The following ANKRD40 variants were observed in gnomAD, a reference collection of about 807,000 sequenced individuals.
ANKRD40 encodes ankyrin repeat domain 40, also known as ankyrin repeat domain-containing protein 40.
In ANKRD40, 24 loss-of-function variants were observed where a neutral mutation model predicts 35.5. That is an observed-to-expected ratio of 0.68 (90% CI 0.49 to 0.95). ANKRD40 has a LOEUF of 0.95. ANKRD40 is among the 40% of genes least tolerant of loss of function. The pLI is 0.00. For synonymous variants in ANKRD40, 147 were observed against 173.5 expected, an observed-to-expected ratio of 0.85 and a Z score of 1.20; for missense variants, 361 against 436.0, an observed-to-expected ratio of 0.83 and a Z score of 1.53.
intron 1 of ANKRD40, among the ~76,000 whole-genome samples, chr17:50,704,532 A>T (rs1305607507): frequency 6.6e-6 from 1 of 151,440 alleles, no homozygotes; most frequent in African/African-American, 2.4e-5. Context: ...AAAAAAAAAA[A>T]AAAAAACCTA....
intron 2 of ANKRD40, 30 bp downstream of exon 2, chr17:50,700,538 A>G (rs1404879640): frequency 8.7e-6 from 14 of 1,611,548 alleles, no homozygotes; most frequent in Non-Finnish European, 1.2e-5. Context: ...AGTCTGAGGA[A>G]ATCAAAAGTT....
At position 50,701,659 on chromosome 17, in the gene ANKRD40, C is replaced by T. The variant is rs565047424; in HGVS notation, c.135-943G>A. ...TATATTATGGAAGGAAAATACTTTTCGCCTGTGTTTTGAAAGGTCTTCTTT... is the reference window on the plus strand; with the variant it reads ...TATATTATGGAAGGAAAATACTTTTTGCCTGTGTTTTGAAAGGTCTTCTTT... On this transcript the variant is annotated intron_variant, in intron 1 of 4. Coordinates refer to ENST00000285243, the MANE Select transcript of ANKRD40 (RefSeq NM_052855.4). 3.9e-5 allele frequency among the ~76,000 whole-genome samples: 6 copies of T among 152,324 alleles called. No individual in the cohort carries two copies. In the South Asian group the frequency reaches 6.2e-4, roughly 16 times the overall value.
intron 2 of ANKRD40, 83 bp downstream of exon 2, chr17:50,700,485 C>T: frequency 7.4e-7 from 1 of 1,359,726 alleles, no homozygotes; most frequent in Non-Finnish European, 1.0e-6. Flanking sequence ...AGTTGTTTGA[C>T]CAGCATTAAG....
chr17:50,700,034 G>T, intron 2 of ANKRD40, 141 bp from the exon 3 acceptor site: 2 of 758,294 alleles, frequency 2.6e-6, no homozygotes, highest in Non-Finnish European at 3.7e-6. Context: ...TTAGGTTTAT[G>T]ATTACCATTT....
At chr17:50,706,062 C>G (rs1403990096) in intron 1 of ANKRD40, among the ~76,000 whole-genome samples, 1 of 151,884 alleles carries the variant, frequency 6.6e-6, no homozygotes, top group Non-Finnish European at 1.5e-5. Context: ...TTGAGCCTCT[C>G]TCCATTGTCC....
chr17:50,701,059 AT>A (rs1284981608), intron 1 of ANKRD40: 1 of 166,612 alleles, frequency 6.0e-6, no homozygotes, highest in African/African-American at 2.6e-5. Context: ...TCTCTGAAAC[AT>A]ATTTTTCTAT....
chr17:50,697,419 T>C (rs945621099), intron 3 of ANKRD40, among the ~76,000 whole-genome samples: 1 of 152,228 alleles, frequency 6.6e-6, no homozygotes, highest in South Asian at 2.1e-4. Context: ...CTTCTGCCAT[T>C]GGAGCTAAGG....
rs1230275739 is a variant in ANKRD40 at position 50,699,858 on chromosome 17, T to TGTC, written c.316_318dup (p.Asp106dup). 2 of 1,516,392 alleles carry TGTC rather than the reference T, an allele frequency of 1.3e-6. No individual in the cohort carries two copies. Among genetic ancestry groups the TGTC allele is most frequent in the East Asian group, 2.3e-5 (1 of 43,958 alleles). The allele number at this position is 1,516,392 out of a possible 1,614,324, so 93.9% of individuals were successfully genotyped here. On this transcript the variant is annotated inframe_insertion, in exon 3 of 5. Transcript: ENST00000285243. ...GACTCCTTCTTCAGCTGGGGGAGGT[T>TGTC]GTCATCATCATCATCATCATCATCT... is the stretch of plus-strand genomic sequence containing the variant.
Position 50,707,449 on chromosome 17 carries a change from A to C in ANKRD40, c.134+72T>G, listed in dbSNP as rs1968353841. On this transcript the variant is annotated intron_variant, in intron 1 of 4. Transcript: ENST00000285243. The surrounding 1 kb of genome is among the most constrained non-coding windows in gnomAD (Gnocchi z 4.8). Reference sequence around the variant, plus strand: ...TAGCCAGGCGTCCCGCGCTGGGCCCAGGTCGCGACTGACTGCCCCACGCCT... The same window carrying C: ...TAGCCAGGCGTCCCGCGCTGGGCCCCGGTCGCGACTGACTGCCCCACGCCT... 7 of 1,547,668 alleles carry C rather than the reference A, an allele frequency of 4.5e-6. No homozygotes were observed.
intron 1 of ANKRD40, among the ~76,000 whole-genome samples, chr17:50,706,119 A>G (rs1968334212): frequency 1.4e-5 from 2 of 148,132 alleles, no homozygotes; most frequent in Admixed American, 6.7e-5. Context: ...ACAAAATGTA[A>G]ACTCACTTTT....
intron 3 of ANKRD40, among the ~76,000 whole-genome samples, chr17:50,698,565 A>C (rs908037044): frequency 6.6e-6 from 1 of 152,176 alleles, no homozygotes; most frequent in Non-Finnish European, 1.5e-5. Context: ...AAGGGTAAAG[A>C]TTCCAGATTA....
At chr17:50,706,929 A>AAAAG (rs1266829425) in intron 1 of ANKRD40, among the ~76,000 whole-genome samples, 52 of 141,544 alleles carry the variant, frequency 3.7e-4, no homozygotes, top group Non-Finnish European at 6.1e-4. Context: ...AAAAAAAAAA[A>AAAAG]AAAGAAAGAA....
At chr17:50,705,515 G>GA (rs1555602435) in intron 1 of ANKRD40, among the ~76,000 whole-genome samples, 3 of 151,794 alleles carry the variant, frequency 2.0e-5, no homozygotes, top group Non-Finnish European at 4.4e-5. Context: ...AAATTAGGTA[G>GA]AAAAAAATTT....
rs8081077 is a variant in ANKRD40, at chr17:50,698,029, C to T, written c.779-908G>A. 6.9e-3 allele frequency among the ~76,000 whole-genome samples: 1,047 copies of T among 151,942 alleles called. 11 individuals carry two copies. Among genetic ancestry groups the T allele is most frequent in the African/African-American group, 0.023 (972 of 41,454 alleles). ...ATCTTTCCTGGCTATGTCCTCTCAACGGGCCTAGAAGAAATGATATACCTG... is the reference window on the plus strand; with the variant it reads ...ATCTTTCCTGGCTATGTCCTCTCAATGGGCCTAGAAGAAATGATATACCTG... On this transcript the variant is annotated intron_variant, in intron 3 of 4. Coordinates refer to ENST00000285243, the MANE Select transcript of ANKRD40 (RefSeq NM_052855.4).
At chr17:50,696,792 A>G (rs1467916681) in intron 4 of ANKRD40, 148 bp downstream of exon 4, 10 of 761,254 alleles carry the variant, frequency 1.3e-5, no homozygotes, top group Non-Finnish European at 1.8e-5. Flanking sequence ...CTATAGACTC[A>G]GTAGAAGGAA....
intron 2 of ANKRD40, 127 bp from the exon 3 acceptor site, chr17:50,700,020 T>G (rs1968250971): frequency 4.7e-6 from 4 of 842,154 alleles, no homozygotes; most frequent in Non-Finnish European, 6.6e-6. Flanking sequence ...AAAAGAATAC[T>G]TCATTAGGTT....
intron 1 of ANKRD40, among the ~76,000 whole-genome samples, chr17:50,706,903 C>CAA (rs35024672): frequency 0.045 from 1,725 of 37,924 alleles, 229 homozygotes; most frequent in Middle Eastern, 0.059. Context: ...GACCCTGTCT[C>CAA]AAAAAAAAAA....
intron 1 of ANKRD40, among the ~76,000 whole-genome samples, chr17:50,704,571 T>G (rs1281048769): frequency 1.4e-5 from 2 of 141,676 alleles, no homozygotes; most frequent in African/African-American, 5.3e-5. Context: ...TACCTCAGAA[T>G]CACTTCACTA....
chr17:50,707,792 TG>T lies in ANKRD40; in HGVS notation c.-139del. ...AACTCGCCCGCCCTGCTCGCGCCGC[TG>T]CCCGCGCCCGCCCCGGGACTTCCGC... On this transcript the variant is annotated 5_prime_UTR_variant, in exon 1 of 5. Transcript: ENST00000285243. The surrounding 1 kb of genome is among the most constrained non-coding windows in gnomAD (Gnocchi z 4.8). 1 of 507,598 alleles carries T rather than the reference TG, an allele frequency of 2.0e-6. No homozygotes were observed. The highest frequency in any genetic ancestry group is 1.3e-4 in the East Asian group (1 of 7,850). The allele number at this position is 507,598 out of a possible 1,614,324, so 31.4% of individuals were successfully genotyped here. A position where few individuals can be genotyped will look rare whatever the true frequency, so the allele number is the denominator to read the frequency against.
Sources: gnomAD v4.1 joint callset for allele counts (sites outside exome capture counted in the v4.1 genomes callset) on GRCh38, gnomAD v4.1.1 for gene constraint, Gnocchi (gnomAD v3.1) non-coding constraint, MANE v1.5 for transcripts, NCBI Gene and HGNC (gene_info 2026-07-23, HGNC 2026-07-21) for gene names.